The following APBB2 variants were observed in gnomAD, a reference collection of about 807,000 sequenced individuals.
APBB2 encodes amyloid beta precursor protein binding family B member 2.
Under a neutral mutation model 82.5 loss-of-function variants are expected in APBB2, and 38 were observed. The observed-to-expected ratio is 0.46, with a 90% CI of 0.36 to 0.60. APBB2 has a LOEUF of 0.60. Ranked by LOEUF, APBB2 falls within the 20% of genes least tolerant of loss-of-function variation. The probability of loss-of-function intolerance (pLI) is 0.00; values close to 1 mark genes in which losing one functional copy is unlikely to be tolerated. For synonymous variants in APBB2, 341 were observed against 368.2 expected (o/e 0.93, Z 0.85); for missense variants, 772 against 972.3 (o/e 0.79, Z 2.74).
chr4:40,904,465 AAAT>A (rs1465290451), intron 10 of APBB2, among the ~76,000 whole-genome samples: 3 of 151,252 alleles, frequency 2.0e-5, no homozygotes, highest in Non-Finnish European at 2.9e-5. Flanking sequence ...ATAAATAAAT[AAAT>A]AATAAGGCAG....
intron 10 of APBB2, among the ~76,000 whole-genome samples, chr4:40,916,824 T>A (rs747741294): frequency 6.6e-6 from 1 of 152,122 alleles, no homozygotes; most frequent in East Asian, 1.9e-4. Context: ...GCAGGTGAGA[T>A]CCTGTTGTGA....
chr4:41,085,576 C>G (rs1294448064), intron 3 of APBB2, among the ~76,000 whole-genome samples: 4 of 152,044 alleles, frequency 2.6e-5, no homozygotes, highest in Non-Finnish European at 5.9e-5. Context: ...AGTTGGTTAT[C>G]AAATCATGGA....
At chr4:40,925,573 T>C (rs1347611299) in intron 10 of APBB2, among the ~76,000 whole-genome samples, 1 of 152,192 alleles carries the variant, frequency 6.6e-6, no homozygotes, top group Non-Finnish European at 1.5e-5. Context: ...AATGAATGAA[T>C]CAACAGTGCA....
At chr4:40,831,788 A>T (rs147079830) in intron 12 of APBB2, among the ~76,000 whole-genome samples, 82 of 152,276 alleles carry the variant, frequency 5.4e-4, no homozygotes, top group African/African-American at 1.9e-3. Flanking sequence ...GAGCGACGGC[A>T]GCGGCGGCAC....
chr4:41,121,605 T>C (rs1752847299), intron 2 of APBB2, among the ~76,000 whole-genome samples: 1 of 152,222 alleles, frequency 6.6e-6, no homozygotes, highest in Non-Finnish European at 1.5e-5. Flanking sequence ...TCTGCCACCG[T>C]GTTGTGTGTT....
intron 17 of APBB2, among the ~76,000 whole-genome samples, chr4:40,817,611 C>CA (rs1746229512): frequency 1.3e-5 from 2 of 152,088 alleles, no homozygotes; most frequent in South Asian, 4.2e-4. Context: ...TTGGTATACT[C>CA]AGAGGTCCTA....
At chr4:40,906,416 G>A (rs1776711237) in intron 10 of APBB2, among the ~76,000 whole-genome samples, 1 of 142,146 alleles carries the variant, frequency 7.0e-6, no homozygotes, top group African/African-American at 2.6e-5. Context: ...ACAGTGAGCT[G>A]AGGTGCGCCA....
rs1750118271 is a variant in APBB2, at chr4:40,826,840, C to T, written c.1732+292G>A. The T allele has an allele frequency of 3.3e-6, 1 of 299,084 alleles. No homozygotes were observed. Among genetic ancestry groups the T allele is most frequent in the South Asian group, 4.5e-5 (1 of 22,248 alleles). The allele number at this position is 299,084 out of a possible 1,614,324, so 18.5% of individuals were successfully genotyped here. A position where few individuals can be genotyped will look rare whatever the true frequency, so the allele number is the denominator to read the frequency against. On this transcript the variant is annotated intron_variant, in intron 14 of 17. Coordinates refer to ENST00000508593, the MANE Select transcript of APBB2 (RefSeq NM_004307.2). The surrounding 1 kb of genome is among the most constrained non-coding windows in gnomAD (Gnocchi z 4.5). ...TGAATTATAATATGAAGACAGTATT[C>T]TTAAAGAACATAAAATACAAAACAA...
chr4:40,887,977 CATT>C, intron 12 of APBB2, among the ~76,000 whole-genome samples: 1 of 152,358 alleles, frequency 6.6e-6, no homozygotes, highest in African/African-American at 2.4e-5. Context: ...CAACTGAACT[CATT>C]AGGGTCTGGA....
At chr4:40,961,915 C>T (rs926761851) in intron 6 of APBB2, among the ~76,000 whole-genome samples, 1 of 152,124 alleles carries the variant, frequency 6.6e-6, no homozygotes, top group East Asian at 1.9e-4. Flanking sequence ...TCAAGAAATA[C>T]CTGCAGGATT....
intron 10 of APBB2, among the ~76,000 whole-genome samples, chr4:40,909,236 T>C (rs532100131): frequency 6.6e-6 from 1 of 152,230 alleles, no homozygotes; most frequent in East Asian, 1.9e-4. Flanking sequence ...CAGCACGTTA[T>C]GAACAAGTCA....
intron 1 of APBB2, among the ~76,000 whole-genome samples, chr4:41,181,345 G>A (rs969829840): frequency 6.6e-6 from 1 of 152,174 alleles, no homozygotes; most frequent in Non-Finnish European, 1.5e-5. Context: ...AATGGGAGAC[G>A]ATGAAACTCA....
intron 4 of APBB2, among the ~76,000 whole-genome samples, chr4:41,044,845 C>T (rs1273563755): frequency 6.6e-6 from 1 of 152,040 alleles, no homozygotes; most frequent in African/African-American, 2.4e-5. Context: ...TTCTAAAATA[C>T]ATGATTTTTT....
chr4:40,975,729 T>C (rs894897143), intron 6 of APBB2, among the ~76,000 whole-genome samples: 1 of 142,412 alleles, frequency 7.0e-6, no homozygotes, highest in Non-Finnish European at 1.5e-5. Context: ...TTCAGGTAAA[T>C]AAAGAATTTA....
intron 6 of APBB2, among the ~76,000 whole-genome samples, chr4:40,962,026 G>C (rs914026112): frequency 6.6e-6 from 1 of 152,192 alleles, no homozygotes; most frequent in African/African-American, 2.4e-5. Flanking sequence ...TCTAGGTCAA[G>C]AGAGGAAAGC....
chr4:40,872,648 G>GTT (rs1765826157), intron 12 of APBB2, among the ~76,000 whole-genome samples: 1 of 152,100 alleles, frequency 6.6e-6, no homozygotes, highest in Non-Finnish European at 1.5e-5. Flanking sequence ...GGAAGAAGGA[G>GTT]GGAGAAAAGG....
chr4:41,051,818 G>A (rs756820052), intron 4 of APBB2, among the ~76,000 whole-genome samples: 1 of 152,150 alleles, frequency 6.6e-6, no homozygotes, highest in Non-Finnish European at 1.5e-5. Flanking sequence ...CAGGACCCTG[G>A]AGCTGGGCCA....
intron 4 of APBB2, among the ~76,000 whole-genome samples, chr4:41,053,558 C>T (rs181026955): frequency 1.2e-3 from 182 of 152,210 alleles, no homozygotes; most frequent in African/African-American, 4.2e-3. Flanking sequence ...ATACCATTAC[C>T]CTGAAATCCA....
At chr4:41,045,209 G>A (rs1291532380) in intron 4 of APBB2, among the ~76,000 whole-genome samples, 4 of 151,476 alleles carry the variant, frequency 2.6e-5, no homozygotes, top group Admixed American at 2.0e-4. Context: ...TCAGACTTAC[G>A]CTGCTCTTTC....
Sources: allele counts gnomAD v4.1 joint callset (sites outside exome capture counted in the v4.1 genomes callset), GRCh38; gene constraint gnomAD v4.1.1; non-coding constraint Gnocchi (gnomAD v3.1); transcripts MANE v1.5; gene names NCBI Gene and HGNC (gene_info 2026-07-23, HGNC 2026-07-21).